Variants in KSR2 observed in about 807,000 individuals in gnomAD.
KSR2 encodes kinase suppressor of ras 2.
A neutral mutation model predicts 107.8 loss-of-function variants in KSR2; 25 were observed. The observed-to-expected ratio is 0.23, with a 90% CI of 0.17 to 0.32. The LOEUF is 0.32. Among genes scored for constraint, KSR2 ranks in the 10% least tolerant of loss-of-function variants. The probability of loss-of-function intolerance (pLI) is 1.00; values close to 1 mark genes in which losing one functional copy is unlikely to be tolerated. For missense variants in KSR2, 887 were observed against 1,268.9 expected, an observed-to-expected ratio of 0.70 and a Z score of 4.57; for synonymous variants, 480 against 507.0, an observed-to-expected ratio of 0.95 and a Z score of 0.71.
At chr12:117,937,804 A>T (rs1415821357) in intron 1 of KSR2, among the ~76,000 whole-genome samples, 1 of 143,170 alleles carries the variant, frequency 7.0e-6, no homozygotes, top group Non-Finnish European at 1.5e-5. Context: ...TACTAAAAAT[A>T]CAAAAAAAAA....
intron 3 of KSR2, among the ~76,000 whole-genome samples, chr12:117,794,036 A>T: frequency 8.8e-6 from 1 of 113,334 alleles, no homozygotes; most frequent in South Asian, 3.8e-4. Flanking sequence ...CAACATGCAC[A>T]CACCAACATG....
chr12:117,632,334 C>T (rs1882848075), intron 5 of KSR2, among the ~76,000 whole-genome samples: 1 of 148,216 alleles, frequency 6.7e-6, no homozygotes, highest in Admixed American at 7.0e-5. Flanking sequence ...AAGTGATTCT[C>T]CTGCCTCAGC....
intron 3 of KSR2, among the ~76,000 whole-genome samples, chr12:117,790,271 G>C (rs1459108893): frequency 2.0e-5 from 3 of 152,192 alleles, no homozygotes; most frequent in African/African-American, 7.2e-5. Context: ...ATGTATTTCA[G>C]GGAGGCAGGA....
chr12:117,545,087 T>C (rs1876763661), intron 9 of KSR2, among the ~76,000 whole-genome samples: 1 of 152,230 alleles, frequency 6.6e-6, no homozygotes, highest in African/African-American at 2.4e-5. Context: ...TATAACCATG[T>C]TATTTTTTAT....
intron 1 of KSR2, among the ~76,000 whole-genome samples, chr12:117,941,535 T>C (rs1383662052): frequency 1.3e-5 from 2 of 152,042 alleles, no homozygotes. Flanking sequence ...CTTTACATAT[T>C]TTTATTAAGT....
chr12:117,741,519 T>C (rs1888221633), intron 4 of KSR2, among the ~76,000 whole-genome samples: 1 of 152,136 alleles, frequency 6.6e-6, no homozygotes. Context: ...AGCAAGACCC[T>C]ATCTTTTAAA....
chr12:117,885,261 G>C (rs546883828), intron 1 of KSR2, among the ~76,000 whole-genome samples: 2 of 152,176 alleles, frequency 1.3e-5, no homozygotes, highest in African/African-American at 4.8e-5. Flanking sequence ...CCTATTTATT[G>C]AGTGCTTTCT....
chr12:117,747,713 A>G (rs1888463471), intron 4 of KSR2, among the ~76,000 whole-genome samples: 1 of 152,242 alleles, frequency 6.6e-6, no homozygotes, highest in South Asian at 2.1e-4. Flanking sequence ...ACTCAACATC[A>G]TTAATCATCG....
intron 3 of KSR2, 38 bp downstream of exon 3, chr12:117,855,390 G>A: frequency 1.2e-6 from 2 of 1,613,176 alleles, no homozygotes; most frequent in South Asian, 2.2e-5. Context: ...CTGTGCTGGG[G>A]ACAAGTCTCC....
At chr12:117,723,747 G>A (rs956057094) in intron 4 of KSR2, among the ~76,000 whole-genome samples, 8 of 151,840 alleles carry the variant, frequency 5.3e-5, no homozygotes, top group African/African-American at 1.5e-4. Flanking sequence ...AAGTTGGGGG[G>A]AGGATACAAG....
intron 1 of KSR2, among the ~76,000 whole-genome samples, chr12:117,875,333 AT>A (rs56091034): frequency 0.014 from 1,992 of 137,950 alleles, 15 homozygotes; most frequent in Non-Finnish European, 0.018. Flanking sequence ...CTTAGGTGCT[AT>A]TTTTTTTTTT....
rs1364801537 is a variant in KSR2, at chr12:117,803,622, G to A, written c.473-42098C>T. On this transcript the variant is annotated intron_variant, in intron 3 of 19. Transcript: ENST00000339824. Reference sequence around the variant, plus strand: ...GTAGGCTGAGGCAGGAGAATGGCATGAACCCGGGAGGCGGAGCTTGCAATG... The same window carrying A: ...GTAGGCTGAGGCAGGAGAATGGCATAAACCCGGGAGGCGGAGCTTGCAATG... Among the ~76,000 whole-genome samples, 3 of 152,164 alleles carry A rather than the reference G, an allele frequency of 2.0e-5. No individual in the cohort carries two copies. The East Asian group carries it at 5.8e-4, about 29-fold the overall frequency.
chr12:117,904,371 C>T (rs772809744), intron 1 of KSR2, among the ~76,000 whole-genome samples: 11 of 152,136 alleles, frequency 7.2e-5, no homozygotes, highest in Non-Finnish European at 1.6e-4. Context: ...TATAGAGTTC[C>T]GCCAGTTCTC....
At chr12:117,542,204 A>G in intron 9 of KSR2, among the ~76,000 whole-genome samples, 1 of 152,112 alleles carries the variant, frequency 6.6e-6, no homozygotes, top group East Asian at 1.9e-4. Flanking sequence ...CTTATCCTTA[A>G]CATGGGCTAA....
chr12:117,852,889 C>T (rs1329176308), intron 3 of KSR2, among the ~76,000 whole-genome samples: 1 of 152,198 alleles, frequency 6.6e-6, no homozygotes, highest in Non-Finnish European at 1.5e-5. Context: ...GCAACCTCCA[C>T]CTCCCAGGTT....
intron 1 of KSR2, among the ~76,000 whole-genome samples, chr12:117,960,655 A>T (rs1896635121): frequency 6.6e-6 from 1 of 152,122 alleles, no homozygotes; most frequent in African/African-American, 2.4e-5. Context: ...TCCATACCTA[A>T]CTGCAGGCAT....
chr12:117,775,694 G>A (rs1039657216), intron 3 of KSR2, among the ~76,000 whole-genome samples: 1 of 152,158 alleles, frequency 6.6e-6, no homozygotes, highest in Non-Finnish European at 1.5e-5. Flanking sequence ...GGGAAACTGA[G>A]ACAGAGAGAG....
At chr12:117,872,751 C>T (rs187217787) in intron 1 of KSR2, among the ~76,000 whole-genome samples, 135 of 152,192 alleles carry the variant, frequency 8.9e-4, no homozygotes, top group Non-Finnish European at 1.5e-3. Context: ...TCAGTCAAGC[C>T]GAAGGATCTG....
At chr12:117,918,606 T>C (rs113601605) in intron 1 of KSR2, among the ~76,000 whole-genome samples, 7,771 of 151,492 alleles carry the variant, frequency 0.051, 250 homozygotes, top group East Asian at 0.18. Flanking sequence ...CTGACCAACA[T>C]GGAGAAACCC....
Sources: allele counts gnomAD v4.1 joint callset (sites outside exome capture counted in the v4.1 genomes callset), GRCh38; gene constraint gnomAD v4.1.1; transcripts MANE v1.5; gene names NCBI Gene and HGNC (gene_info 2026-07-23, HGNC 2026-07-21).